PHLPP1: variants seen among roughly 807,000 people sequenced by gnomAD.
PHLPP1 encodes the protein PH domain and leucine rich repeat protein phosphatase 1.
Under a neutral mutation model 117.2 loss-of-function variants are expected in PHLPP1, and 42 were observed. The ratio of observed to expected loss-of-function variants is 0.36; its 90% CI spans 0.28 to 0.46. The LOEUF (loss-of-function observed/expected upper bound fraction) is 0.46, where lower values mean the gene tolerates loss of function less well. PHLPP1 is among the 20% of genes least tolerant of loss of function. PHLPP1 has a pLI of 1.00. For missense variants in PHLPP1, 2,084 were observed against 2,241.9 expected (o/e 0.93, Z 1.42); for synonymous variants, 1,042 against 970.7 (o/e 1.07, Z -1.37).
intron 4 of PHLPP1, among the ~76,000 whole-genome samples, chr18:62,886,875 G>T (rs1916299835): frequency 6.6e-6 from 1 of 152,180 alleles, no homozygotes; most frequent in African/African-American, 2.4e-5. Flanking sequence ...TCTGTAGTGT[G>T]AACTCTGTAT....
chr18:62,849,309 A>G (rs1026025034), intron 3 of PHLPP1, among the ~76,000 whole-genome samples: 2 of 152,314 alleles, frequency 1.3e-5, no homozygotes, highest in Admixed American at 1.3e-4. Context: ...GTATCTGGTC[A>G]TGTTATATTT....
intron 1 of PHLPP1, among the ~76,000 whole-genome samples, chr18:62,788,378 T>C (rs1016962953): frequency 6.6e-6 from 1 of 152,154 alleles, no homozygotes; most frequent in Non-Finnish European, 1.5e-5. Flanking sequence ...TTGCAGTGCA[T>C]GTGTAATCTC....
intron 1 of PHLPP1, among the ~76,000 whole-genome samples, chr18:62,735,815 G>A (rs1020567106): frequency 6.6e-6 from 1 of 152,162 alleles, no homozygotes; most frequent in South Asian, 2.1e-4. Flanking sequence ...CTAAACCAGG[G>A]TTGTCTGTAG....
At chr18:62,766,076 A>AAATATATATATATATATATATAT in intron 1 of PHLPP1, among the ~76,000 whole-genome samples, 2 of 21,660 alleles carry the variant, frequency 9.2e-5, no homozygotes, top group Admixed American at 7.9e-4. Context: ...AAAAAAAAAA[A>AAATATATATATATATATATATAT]ATATATATAT....
chr18:62,943,436 T>C (rs1288684416), intron 11 of PHLPP1, among the ~76,000 whole-genome samples: 1 of 152,184 alleles, frequency 6.6e-6, no homozygotes, highest in East Asian at 1.9e-4. Context: ...AGTTGGAAAT[T>C]TCTTTAACTT....
At chr18:62,753,435 A>G (rs1038934385) in intron 1 of PHLPP1, among the ~76,000 whole-genome samples, 1 of 152,226 alleles carries the variant, frequency 6.6e-6, no homozygotes, top group Non-Finnish European at 1.5e-5. Context: ...TAGTAATATA[A>G]TAACTATCAT....
intron 3 of PHLPP1, among the ~76,000 whole-genome samples, chr18:62,843,393 T>A (rs1915101624): frequency 1.3e-5 from 2 of 152,218 alleles, no homozygotes; most frequent in South Asian, 4.1e-4. Flanking sequence ...TTTATTTTTC[T>A]GGATTTTCAG....
At chr18:62,866,718 G>C (rs1249838551) in intron 4 of PHLPP1, among the ~76,000 whole-genome samples, 1 of 152,142 alleles carries the variant, frequency 6.6e-6, no homozygotes, top group Non-Finnish European at 1.5e-5. Context: ...CCAGGTGGAG[G>C]GATATTTTGG....
chr18:62,954,576 G>A (rs1910558882), intron 12 of PHLPP1, among the ~76,000 whole-genome samples: 1 of 152,160 alleles, frequency 6.6e-6, no homozygotes, highest in South Asian at 2.1e-4. Context: ...CACTGGGAGA[G>A]CAGCACCAGA....
At chr18:62,855,887 C>T (rs974112561) in intron 3 of PHLPP1, among the ~76,000 whole-genome samples, 9 of 152,156 alleles carry the variant, frequency 5.9e-5, no homozygotes, top group African/African-American at 2.2e-4. Context: ...GGTATAAGGT[C>T]GTCTTCTGGC....
At position 62,737,818 on chromosome 18, in the gene PHLPP1, C is replaced by A. The variant is rs1911412201; in HGVS notation, c.1576+20559C>A. ...GACCTAGAAGTTAGATGAAGGTCTA[C>A]ACGAGGTCAGTGCAGATGAAGAACC... is the stretch of plus-strand genomic sequence containing the variant. On this transcript the variant is annotated intron_variant, in intron 1 of 16. Transcript: ENST00000262719. 1.3e-5 allele frequency among the ~76,000 whole-genome samples: 2 copies of A among 152,094 alleles called. 1 individual carries two copies. Among genetic ancestry groups the A allele is most frequent in the Admixed American group, 1.3e-4 (2 of 15,282 alleles).
At chr18:62,792,628 T>G (rs1599049891) in intron 1 of PHLPP1, among the ~76,000 whole-genome samples, 1 of 152,066 alleles carries the variant, frequency 6.6e-6, no homozygotes, top group East Asian at 1.9e-4. Context: ...CCCAGCACTT[T>G]AGGAGTCTGA....
chr18:62,877,440 A>G (rs537126228), intron 4 of PHLPP1, among the ~76,000 whole-genome samples: 1 of 152,238 alleles, frequency 6.6e-6, no homozygotes, highest in Non-Finnish European at 1.5e-5. Flanking sequence ...CTGTATAAAA[A>G]ACGTTAGAGG....
chr18:62,962,939 C>G (rs938175764), intron 13 of PHLPP1, among the ~76,000 whole-genome samples: 2 of 152,190 alleles, frequency 1.3e-5, no homozygotes, highest in African/African-American at 4.8e-5. Flanking sequence ...GCAGAATTCT[C>G]TCACATCATC....
At chr18:62,938,971 C>A (rs891466390) in intron 10 of PHLPP1, among the ~76,000 whole-genome samples, 1 of 123,776 alleles carries the variant, frequency 8.1e-6, no homozygotes, top group Non-Finnish European at 1.7e-5. Context: ...CTATTTTTGT[C>A]TTTTTTCTTT....
intron 3 of PHLPP1, among the ~76,000 whole-genome samples, chr18:62,854,015 A>G (rs2144355988): frequency 6.6e-6 from 1 of 152,300 alleles, no homozygotes; most frequent in African/African-American, 2.4e-5. Context: ...AGATACGGAA[A>G]CTTGAAGGAC....
chr18:62,961,256 T>C (rs2144479312), intron 13 of PHLPP1, among the ~76,000 whole-genome samples: 1 of 152,262 alleles, frequency 6.6e-6, no homozygotes, highest in South Asian at 2.1e-4. Flanking sequence ...GTTACGCTAT[T>C]GTACTCCAGC....
At chr18:62,827,670 T>C (rs1165191616) in intron 1 of PHLPP1, among the ~76,000 whole-genome samples, 2 of 152,192 alleles carry the variant, frequency 1.3e-5, no homozygotes, top group African/African-American at 4.8e-5. Flanking sequence ...TTTAGGGTTT[T>C]CCAAGGACAG....
At chr18:62,966,721 G>C (rs1377332085) in intron 14 of PHLPP1, among the ~76,000 whole-genome samples, 1 of 151,984 alleles carries the variant, frequency 6.6e-6, no homozygotes, top group Non-Finnish European at 1.5e-5. Flanking sequence ...CGCCCGCCTC[G>C]GCCTCCCAAA....
Sources: allele counts gnomAD v4.1 joint callset (sites outside exome capture counted in the v4.1 genomes callset), GRCh38; gene constraint gnomAD v4.1.1; transcripts MANE v1.5; gene names NCBI Gene and HGNC (gene_info 2026-07-23, HGNC 2026-07-21).